The following RAB2A variants were observed in gnomAD, a reference collection of about 807,000 sequenced individuals.
The protein encoded by RAB2A is RAB2A, member RAS oncogene family, also known as ras-related protein Rab-2A.
In RAB2A, 7 loss-of-function variants were observed where a neutral mutation model predicts 32.5. The ratio of observed to expected loss-of-function variants is 0.22; its 90% CI spans 0.12 to 0.40. RAB2A has a LOEUF of 0.40. Among genes scored for constraint, RAB2A ranks in the 10% least tolerant of loss-of-function variants. The probability of loss-of-function intolerance (pLI) is 1.00; values close to 1 mark genes in which losing one functional copy is unlikely to be tolerated. For synonymous variants in RAB2A, 79 were observed against 85.2 expected, an observed-to-expected ratio of 0.93 and a Z score of 0.40; for missense variants, 108 against 260.7, an observed-to-expected ratio of 0.41 and a Z score of 4.03.
intron 6 of RAB2A, among the ~76,000 whole-genome samples, chr8:60,603,599 A>C (rs1320413459): frequency 1.3e-5 from 2 of 152,246 alleles, no homozygotes; most frequent in Non-Finnish European, 2.9e-5. Context: ...AGCAGTATTG[A>C]GATTGAGAAA....
At chr8:60,517,529 A>C (rs895243061) in intron 1 of RAB2A, among the ~76,000 whole-genome samples, 1 of 152,008 alleles carries the variant, frequency 6.6e-6, no homozygotes, top group African/African-American at 2.4e-5. Context: ...GTGTGACAGG[A>C]GGGGAGGCCT....
intron 1 of RAB2A, among the ~76,000 whole-genome samples, chr8:60,521,226 T>G (rs1807297390): frequency 6.6e-6 from 1 of 152,176 alleles, no homozygotes; most frequent in South Asian, 2.1e-4. Flanking sequence ...GGATGGATCC[T>G]TGAGGGGAGG....
At chr8:60,539,293 C>T (rs1807603021) in intron 1 of RAB2A, among the ~76,000 whole-genome samples, 1 of 152,098 alleles carries the variant, frequency 6.6e-6, no homozygotes, top group Admixed American at 6.6e-5. Flanking sequence ...GTAATTTGGC[C>T]TTAGCAGATA....
At chr8:60,605,486 C>T (rs1804213345) in intron 6 of RAB2A, among the ~76,000 whole-genome samples, 1 of 152,094 alleles carries the variant, frequency 6.6e-6, no homozygotes, top group Non-Finnish European at 1.5e-5. Context: ...CAGTTTGCAC[C>T]CATCACTTGG....
chr8:60,585,385 T>C (rs1254820076), intron 5 of RAB2A, among the ~76,000 whole-genome samples: 2 of 152,154 alleles, frequency 1.3e-5, no homozygotes, highest in African/African-American at 2.4e-5. Flanking sequence ...TGATCATAGC[T>C]CACTGCAGCT....
intron 2 of RAB2A, among the ~76,000 whole-genome samples, chr8:60,570,579 T>G (rs1477566707): frequency 6.6e-6 from 1 of 152,206 alleles, no homozygotes; most frequent in African/African-American, 2.4e-5. Flanking sequence ...TATATGCATA[T>G]GTAGATGCAT....
At chr8:60,555,216 A>T (rs1807917140) in intron 1 of RAB2A, among the ~76,000 whole-genome samples, 1 of 152,234 alleles carries the variant, frequency 6.6e-6, no homozygotes, top group Non-Finnish European at 1.5e-5. Context: ...CTCAAAGTGG[A>T]TGAAAGACTT....
intron 1 of RAB2A, among the ~76,000 whole-genome samples, chr8:60,535,364 T>G (rs1415102506): frequency 6.6e-6 from 1 of 152,206 alleles, no homozygotes; most frequent in Non-Finnish European, 1.5e-5. Flanking sequence ...GTGGCTTACG[T>G]ATCCTTCCAG....
At chr8:60,609,609 G>T (rs140368266) in intron 6 of RAB2A, among the ~76,000 whole-genome samples, 286 of 152,254 alleles carry the variant, frequency 1.9e-3, no homozygotes, top group South Asian at 0.012. Flanking sequence ...TTTGTTACAT[G>T]TAGGTAGAAT....
At chr8:60,518,412 T>G (rs1448939717) in intron 1 of RAB2A, among the ~76,000 whole-genome samples, 1 of 151,870 alleles carries the variant, frequency 6.6e-6, no homozygotes, top group Non-Finnish European at 1.5e-5. Context: ...ATCCCAGCAC[T>G]TTCGGAGGCC....
At chr8:60,596,059 A>T (rs1804017111) in intron 6 of RAB2A, among the ~76,000 whole-genome samples, 1 of 152,204 alleles carries the variant, frequency 6.6e-6, no homozygotes, top group South Asian at 2.1e-4. Context: ...AATAGCTAAA[A>T]CAGTGTTACG....
intron 6 of RAB2A, among the ~76,000 whole-genome samples, chr8:60,600,440 C>T (rs1324895789): frequency 6.6e-6 from 1 of 152,194 alleles, no homozygotes; most frequent in East Asian, 1.9e-4. Context: ...GAAACCAGAT[C>T]ACTCTTACGT....
chr8:60,580,068 C>T (rs1803716586), intron 3 of RAB2A, among the ~76,000 whole-genome samples: 1 of 149,856 alleles, frequency 6.7e-6, no homozygotes, highest in Admixed American at 6.6e-5. Context: ...ATGATCTCGG[C>T]TCATTGTAAC....
At chr8:60,598,054 T>C (rs1444447152) in intron 6 of RAB2A, among the ~76,000 whole-genome samples, 1 of 152,090 alleles carries the variant, frequency 6.6e-6, no homozygotes, top group African/African-American at 2.4e-5. Context: ...AAAAAGTAGC[T>C]GGGCGTGGTA....
chr8:60,589,014 C>T (rs1423830510), intron 5 of RAB2A, among the ~76,000 whole-genome samples: 1 of 152,126 alleles, frequency 6.6e-6, no homozygotes, highest in African/African-American at 2.4e-5. Context: ...ACATTTAAAT[C>T]ATCTCACTAA....
intron 6 of RAB2A, among the ~76,000 whole-genome samples, chr8:60,617,723 C>T (rs967414348): frequency 2.6e-5 from 4 of 152,050 alleles, no homozygotes; most frequent in Non-Finnish European, 4.4e-5. Context: ...CCATCCTAGG[C>T]GACAGGGTGA....
At chr8:60,556,125 C>T in intron 1 of RAB2A, among the ~76,000 whole-genome samples, 1 of 152,122 alleles carries the variant, frequency 6.6e-6, no homozygotes, top group East Asian at 1.9e-4. Context: ...GTAAATACTG[C>T]ATGTTCTCGT....
chr8:60,539,112 G>A (rs1586068789), intron 1 of RAB2A, among the ~76,000 whole-genome samples: 1 of 152,180 alleles, frequency 6.6e-6, no homozygotes, highest in African/African-American at 2.4e-5. Flanking sequence ...GTGAGCATGA[G>A]ATGCATTAAT....
chr8:60,617,290 A>G (rs1446947857), intron 6 of RAB2A, among the ~76,000 whole-genome samples: 2 of 152,132 alleles, frequency 1.3e-5, no homozygotes, highest in Non-Finnish European at 2.9e-5. Flanking sequence ...TATTTTGACA[A>G]TTTAATGGCA....
Sources: allele counts gnomAD v4.1 joint callset (sites outside exome capture counted in the v4.1 genomes callset), GRCh38; gene constraint gnomAD v4.1.1; transcripts MANE v1.5; gene names NCBI Gene and HGNC (gene_info 2026-07-23, HGNC 2026-07-21).